Variants in TVP23A observed in about 807,000 individuals in gnomAD.
TVP23A encodes trans-golgi network vesicle protein 23 homolog A, also known as Golgi apparatus membrane protein TVP23 homolog A.
TVP23A carries 21 observed loss-of-function variants against 31.7 expected under a neutral mutation model. That is an observed-to-expected ratio of 0.66 (90% CI 0.47 to 0.95). TVP23A has a LOEUF of 0.95. Ranked by LOEUF, TVP23A falls within the 40% of genes least tolerant of loss-of-function variation. The probability of loss-of-function intolerance (pLI) is 0.00; values close to 1 mark genes in which losing one functional copy is unlikely to be tolerated. For missense variants in TVP23A, 279 were observed against 255.6 expected (o/e 1.09, Z -0.62); for synonymous variants, 104 against 96.0 (o/e 1.08, Z -0.49).
At chr16:10,770,720 A>C (rs1196448411) in intron 6 of TVP23A, among the ~76,000 whole-genome samples, 1 of 151,738 alleles carries the variant, frequency 6.6e-6, no homozygotes, top group Admixed American at 6.6e-5. Flanking sequence ...TAAATACAAA[A>C]ATTAGCCAGG....
intron 2 of TVP23A, among the ~76,000 whole-genome samples, chr16:10,797,466 C>T (rs966381382): frequency 3.3e-5 from 5 of 151,130 alleles, no homozygotes; most frequent in African/African-American, 7.3e-5. Flanking sequence ...ACAGGAGAAT[C>T]GCTTGAACCT....
chr16:10,778,201 G>C (rs1457004399), intron 2 of TVP23A, among the ~76,000 whole-genome samples: 4 of 152,020 alleles, frequency 2.6e-5, no homozygotes, highest in Non-Finnish European at 5.9e-5. Flanking sequence ...AGTTGTGGTG[G>C]CAGGTGCCTG....
Position 10,768,222 on chromosome 16 carries a change from T to TA in TVP23A, c.*879dup. 2.2e-6 allele frequency: 1 copy of TA among 453,728 alleles called. No individual in the cohort carries two copies. Among genetic ancestry groups the TA allele is most frequent in the East Asian group, 3.5e-5 (1 of 28,724 alleles). The allele number at this position is 453,728 out of a possible 1,614,324, so 28.1% of individuals were successfully genotyped here. A position where few individuals can be genotyped will look rare whatever the true frequency, so the allele number is the denominator to read the frequency against. ...GAGTATTGTGAATTAATTCATAGTT[T>TA]AAAAAACATGGTGAGGGTGAAATTT... On this transcript the variant is annotated 3_prime_UTR_variant, in exon 8 of 8. Transcript: ENST00000299866. The surrounding 1 kb of genome is among the most constrained non-coding windows in gnomAD (Gnocchi z 4.3).
chr16:10,785,584 T>C (rs1035165071), intron 2 of TVP23A, among the ~76,000 whole-genome samples: 2 of 152,162 alleles, frequency 1.3e-5, no homozygotes, highest in African/African-American at 2.4e-5. Flanking sequence ...TTTTAGAAAG[T>C]TATTTTCCCA....
At chr16:10,798,019 C>T (rs1316861250) in intron 2 of TVP23A, among the ~76,000 whole-genome samples, 1 of 148,298 alleles carries the variant, frequency 6.7e-6, no homozygotes, top group Non-Finnish European at 1.5e-5. Context: ...GCAGTGGCGC[C>T]ATCTCGGCTC....
rs2032286621 is a variant in TVP23A at position 10,779,465 on chromosome 16, A to T, written c.90-4369T>A. Among the ~76,000 whole-genome samples the T allele has an allele frequency of 6.6e-6, 1 of 152,086 alleles. No individual in the cohort carries two copies. The highest frequency in any genetic ancestry group is 2.4e-5 in the African/African-American group (1 of 41,412). On this transcript the variant is annotated intron_variant, in intron 2 of 7. Transcript: ENST00000299866. This position sits in a 1 kb window ranked among gnomAD's most constrained non-coding sequence, Gnocchi z 4.9. ...CCAGCAACATGGAGCACACACACACACACCACCAATCACCTCCAGTTCCCA... is the reference window on the plus strand; with the variant it reads ...CCAGCAACATGGAGCACACACACACTCACCACCAATCACCTCCAGTTCCCA...
chr16:10,818,054 G>A lies in TVP23A; in HGVS notation c.89+49C>T. On this transcript the variant is annotated intron_variant, in intron 2 of 7. Coordinates refer to ENST00000299866, the MANE Select transcript of TVP23A (RefSeq NM_001079512.4). The surrounding 1 kb of genome is among the most constrained non-coding windows in gnomAD (Gnocchi z 4.7). ...TGAATGAATGAGTGAGTAAATGAAT[G>A]AATTTGCAGCTTTGGGGAACGCCTG... 1.4e-6 allele frequency: 2 copies of A among 1,471,620 alleles called. No homozygotes were observed. The highest frequency in any genetic ancestry group is 1.9e-6 in the Non-Finnish European group (2 of 1,066,658). 91.2% of individuals were successfully genotyped at this position (1,471,620 alleles called of 1,614,324 possible).
chr16:10,787,990 G>A (rs533971374), intron 2 of TVP23A, among the ~76,000 whole-genome samples: 33 of 152,176 alleles, frequency 2.2e-4, no homozygotes, highest in Non-Finnish European at 4.3e-4. Context: ...TATGAGAACC[G>A]TGACCCATGA....
At chr16:10,806,114 G>A (rs564339677) in intron 2 of TVP23A, among the ~76,000 whole-genome samples, 9 of 152,302 alleles carry the variant, frequency 5.9e-5, no homozygotes, top group East Asian at 1.9e-4. Context: ...AGGCTGAGGC[G>A]GATGGATTGC....
chr16:10,784,467 G>A (rs952346324), intron 2 of TVP23A, among the ~76,000 whole-genome samples: 1 of 151,566 alleles, frequency 6.6e-6, no homozygotes, highest in Non-Finnish European at 1.5e-5. Flanking sequence ...GTGCTAAGGT[G>A]GGAGGATGGC....
chr16:10,802,420 C>T (rs2033747053), intron 2 of TVP23A, among the ~76,000 whole-genome samples: 1 of 151,906 alleles, frequency 6.6e-6, no homozygotes, highest in South Asian at 2.1e-4. Flanking sequence ...GCTGGGATTA[C>T]AAGCATGTGC....
chr16:10,770,166 A>G, intron 7 of TVP23A, 106 bp downstream of exon 7: 1 of 1,394,666 alleles, frequency 7.2e-7, no homozygotes, highest in Non-Finnish European at 9.7e-7. Context: ...TGGCCACCCC[A>G]GGGAACAGGG....
chr16:10,805,393 C>T (rs894353849), intron 2 of TVP23A, among the ~76,000 whole-genome samples: 1 of 151,818 alleles, frequency 6.6e-6, no homozygotes. Flanking sequence ...TCTCCCTGGC[C>T]GACAAGAGCA....
chr16:10,775,812 G>C (rs955768452), intron 2 of TVP23A, among the ~76,000 whole-genome samples: 8 of 139,870 alleles, frequency 5.7e-5, no homozygotes, highest in African/African-American at 8.1e-5. Flanking sequence ...GCAGTGGCGT[G>C]ATCTCGGTTC....
intron 2 of TVP23A, among the ~76,000 whole-genome samples, chr16:10,792,683 G>A (rs186137700): frequency 6.6e-6 from 1 of 152,232 alleles, no homozygotes; most frequent in South Asian, 2.1e-4. Flanking sequence ...CTAACCCAGG[G>A]GATGAACCAT....
chr16:10,794,166 C>T (rs775683363), intron 2 of TVP23A, among the ~76,000 whole-genome samples: 15 of 152,284 alleles, frequency 9.9e-5, no homozygotes, highest in South Asian at 4.1e-4. Context: ...ACAGCCCTCA[C>T]GGCCGAATCA....
intron 2 of TVP23A, chr16:10,775,533 G>T: frequency 2.9e-6 from 3 of 1,032,602 alleles, no homozygotes; most frequent in Non-Finnish European, 3.5e-6. Flanking sequence ...TCATGTCATC[G>T]GGGAATGCGT....
chr16:10,818,480 C>A lies in TVP23A; in HGVS notation c.9+5G>T. 1 of 1,605,232 alleles carries A rather than the reference C, an allele frequency of 6.2e-7. No homozygotes were observed. The highest frequency in any genetic ancestry group is 1.3e-5 in the African/African-American group (1 of 74,958). ...CCTCCAGCCCCAGCATCCCCGAGGC[C>A]CTACCTGCTTCATCACCCTCCCAGG... is the stretch of plus-strand genomic sequence containing the variant. On this transcript the variant is annotated splice_donor_5th_base_variant and intron_variant, in intron 1 of 7. Transcript: ENST00000299866. This position sits in a 1 kb window ranked among gnomAD's most constrained non-coding sequence, Gnocchi z 4.7.
chr16:10,809,362 C>G (rs58817852), intron 2 of TVP23A, among the ~76,000 whole-genome samples: 2 of 152,192 alleles, frequency 1.3e-5, no homozygotes, highest in Non-Finnish European at 2.9e-5. Flanking sequence ...AGAGGCTCCA[C>G]GAGGACTGTT....
Sources: gnomAD v4.1 joint callset for allele counts (sites outside exome capture counted in the v4.1 genomes callset) on GRCh38, gnomAD v4.1.1 for gene constraint, Gnocchi (gnomAD v3.1) non-coding constraint, MANE v1.5 for transcripts, NCBI Gene and HGNC (gene_info 2026-07-23, HGNC 2026-07-21) for gene names.